The following TNFRSF11A variants were observed in gnomAD, a reference collection of about 807,000 sequenced individuals.
The protein encoded by TNFRSF11A is TNF receptor superfamily member 11a.
TNFRSF11A carries 32 observed loss-of-function variants against 55.7 expected under a neutral mutation model. The ratio of observed to expected loss-of-function variants is 0.57; its 90% CI spans 0.43 to 0.77. The LOEUF (loss-of-function observed/expected upper bound fraction) is 0.77, where lower values mean the gene tolerates loss of function less well. TNFRSF11A is among the 30% of genes least tolerant of loss of function. The probability of loss-of-function intolerance (pLI) is 0.00; values close to 1 mark genes in which losing one functional copy is unlikely to be tolerated. For missense variants in TNFRSF11A, 753 were observed against 809.8 expected, an observed-to-expected ratio of 0.93 and a Z score of 0.85; for synonymous variants, 311 against 331.0, an observed-to-expected ratio of 0.94 and a Z score of 0.65.
Position 62,383,933 on chromosome 18 carries a change from G to T in TNFRSF11A, c.1568-818G>T, listed in dbSNP as rs1209360792. 5.3e-5 allele frequency among the ~76,000 whole-genome samples: 8 copies of T among 152,082 alleles called. No individual in the cohort carries two copies. On this transcript the variant is annotated intron_variant, in intron 9 of 9. Coordinates refer to ENST00000586569, the MANE Select transcript of TNFRSF11A (RefSeq NM_003839.4). The surrounding 1 kb of genome is among the most constrained non-coding windows in gnomAD (Gnocchi z 4.2). ...TGGCCCCATGATCCTCCAGGGCTGA[G>T]TTGTTAGGGACCATGAGGAACCAAG... is the stretch of plus-strand genomic sequence containing the variant.
intron 4 of TNFRSF11A, among the ~76,000 whole-genome samples, chr18:62,355,352 A>G (rs1290840754): frequency 6.6e-6 from 1 of 152,040 alleles, no homozygotes; most frequent in Non-Finnish European, 1.5e-5. Context: ...ATCTCGGCTC[A>G]CCGCAACCTC....
At chr18:62,356,104 AC>A (rs1909235632) in intron 4 of TNFRSF11A, among the ~76,000 whole-genome samples, 2 of 152,230 alleles carry the variant, frequency 1.3e-5, no homozygotes, top group Non-Finnish European at 2.9e-5. Flanking sequence ...TGCTTTCCTG[AC>A]TTCTAGGAAG....
chr18:62,339,348 A>G (rs938567062), intron 1 of TNFRSF11A, among the ~76,000 whole-genome samples: 4 of 151,848 alleles, frequency 2.6e-5, no homozygotes, highest in African/African-American at 7.3e-5. Context: ...CACCCTCCCC[A>G]GCTTGTGCAC....
chr18:62,359,554 T>C (rs1909516691), intron 5 of TNFRSF11A, among the ~76,000 whole-genome samples: 1 of 152,040 alleles, frequency 6.6e-6, no homozygotes, highest in Admixed American at 6.6e-5. Context: ...GATTTTTAAA[T>C]TTTTTGTAGA....
intron 3 of TNFRSF11A, among the ~76,000 whole-genome samples, chr18:62,350,433 C>T (rs1333009464): frequency 6.6e-6 from 1 of 152,146 alleles, no homozygotes; most frequent in Admixed American, 6.5e-5. Context: ...GCTGGGACTA[C>T]AGGCACCCCC....
Position 62,354,500 on chromosome 18 carries a change from C to T in TNFRSF11A, c.393C>T (p.Thr131=), listed in dbSNP as rs1438379865. ...SQDCECCRRN[T]ECAPGLGAQH... is the part of the protein sequence containing the mutation. ...ACTGCGAGTGCTGCCGCCGCAACAC[C>T]GAGTGCGCGCCGGGCCTGGGCGCCC... is the stretch of plus-strand genomic sequence containing the variant. The change falls in exon 4 of 10, where the codon ACC becomes ACT. Residue 131 remains threonine, a synonymous_variant. Coordinates refer to ENST00000586569, the MANE Select transcript of TNFRSF11A (RefSeq NM_003839.4). 1.6e-5 allele frequency: 26 copies of T among 1,602,322 alleles called. No homozygotes were observed. The highest frequency in any genetic ancestry group is 2.2e-5 in the South Asian group (2 of 91,020).
At chr18:62,329,646 C>T (rs1279700723) in intron 1 of TNFRSF11A, among the ~76,000 whole-genome samples, 1 of 152,214 alleles carries the variant, frequency 6.6e-6, no homozygotes, top group Admixed American at 6.5e-5. Flanking sequence ...GCCTTGATCC[C>T]TCTGAAGTTC....
chr18:62,326,140 A>G (rs1248188590), intron 1 of TNFRSF11A, among the ~76,000 whole-genome samples: 1 of 152,254 alleles, frequency 6.6e-6, no homozygotes, highest in Non-Finnish European at 1.5e-5. Context: ...CACCCAGCAC[A>G]ACAAACGCTT....
chr18:62,366,735 C>T lies in TNFRSF11A; in HGVS notation c.758C>T (p.Ala253Val), dbSNP rs1487127372. 6.2e-7 allele frequency: 1 copy of T among 1,614,174 alleles called. No homozygotes were observed. The highest frequency in any genetic ancestry group is 1.7e-5 in the Admixed American group (1 of 60,028). Residue 253 changes from alanine to valine, a missense_variant, in exon 8 of 10, where the codon GCT (alanine) becomes GTT (valine). This residue lies in a region of TNFRSF11A where 567 missense variants were observed against 596.7 expected (regional missense o/e 0.95). Transcript: ENST00000586569. The stretch of plus-strand genomic sequence containing the variant: ...AATTTGTGGCACTGGATCAATGAGG[C>T]TTGTGGCCGCCTAAGTGGAGATAAG... Reference protein sequence around the residue: ...TANLWHWINEACGRLSGDKES... With the variant: ...TANLWHWINEVCGRLSGDKES...
intron 9 of TNFRSF11A, among the ~76,000 whole-genome samples, chr18:62,381,438 A>G (rs1047052922): frequency 1.3e-5 from 2 of 152,238 alleles, no homozygotes; most frequent in African/African-American, 2.4e-5. Context: ...GAAATAATAT[A>G]TACCATGACA....
rs1911755481 is a variant in TNFRSF11A at position 62,386,629 on chromosome 18, A to C, written c.*1595A>C. On this transcript the variant is annotated 3_prime_UTR_variant, in exon 10 of 10. Coordinates refer to ENST00000586569, the MANE Select transcript of TNFRSF11A (RefSeq NM_003839.4). ...ATTTTGCACATCTGGGAGGTTATAA[A>C]AGAAAGCACTAATAGTAGTCACTGC... 6.6e-6 allele frequency: 1 copy of C among 152,248 alleles called. No homozygotes were observed. The highest frequency in any genetic ancestry group is 1.5e-5 in the Non-Finnish European group (1 of 68,046). The allele number at this position is 152,248 out of a possible 1,614,324, so 9.4% of individuals were successfully genotyped here. A position where few individuals can be genotyped will look rare whatever the true frequency, so the allele number is the denominator to read the frequency against.
chr18:62,336,570 A>G (rs1027209606), intron 1 of TNFRSF11A: 11 of 152,242 alleles, frequency 7.2e-5, no homozygotes, highest in African/African-American at 2.7e-4. Context: ...TTCTTATCTG[A>G]AATGAATACA....
At chr18:62,371,360 A>AAG (rs375010915) in intron 9 of TNFRSF11A, among the ~76,000 whole-genome samples, 5 of 151,842 alleles carry the variant, frequency 3.3e-5, no homozygotes, top group African/African-American at 7.3e-5. Context: ...GCCAGATTTA[A>AAG]AGAGAGAGAG....
intron 9 of TNFRSF11A, among the ~76,000 whole-genome samples, chr18:62,375,673 T>C (rs1910842705): frequency 6.6e-6 from 1 of 152,152 alleles, no homozygotes; most frequent in African/African-American, 2.4e-5. Context: ...CCCAGGATCA[T>C]ACAGCTAGTA....
intron 9 of TNFRSF11A, among the ~76,000 whole-genome samples, chr18:62,375,929 G>A (rs1910862582): frequency 1.3e-5 from 2 of 152,204 alleles, no homozygotes; most frequent in Admixed American, 6.5e-5. Flanking sequence ...AGCCCAGAAG[G>A]TCAGGGCTGC....
rs1555774041 is a variant in TNFRSF11A, at chr18:62,362,510, A to AAAAGAACC, written c.730+718_730+725dup. ...CATCTCAAAAAAAAAAAAAAAAAAAAAAAGAACCTTCGATTATGAAAATAA... is the reference window on the plus strand; with the variant it reads ...CATCTCAAAAAAAAAAAAAAAAAAAAAAAGAACCAAAGAACCTTCGATTATGAAAATAA... On this transcript the variant is annotated intron_variant, in intron 7 of 9. Transcript: ENST00000586569. 5.3e-5 allele frequency among the ~76,000 whole-genome samples: 8 copies of AAAAGAACC among 151,286 alleles called. No homozygotes were observed. The East Asian group carries it at 1.4e-3, about 26-fold the overall frequency.
At chr18:62,351,873 T>G (rs1462961841) in intron 3 of TNFRSF11A, among the ~76,000 whole-genome samples, 3 of 152,206 alleles carry the variant, frequency 2.0e-5, no homozygotes, top group Non-Finnish European at 4.4e-5. Context: ...TTTGGCTCAC[T>G]GCAACCTTGG....
chr18:62,374,058 G>A (rs918767737), intron 9 of TNFRSF11A: 3 of 152,122 alleles, frequency 2.0e-5, no homozygotes, highest in Admixed American at 1.3e-4. Context: ...ATCTCGTAAG[G>A]GCAGATACTG....
At chr18:62,375,700 T>G (rs1017138097) in intron 9 of TNFRSF11A, among the ~76,000 whole-genome samples, 1 of 152,014 alleles carries the variant, frequency 6.6e-6, no homozygotes, top group Non-Finnish European at 1.5e-5. Context: ...AAAGCCATGG[T>G]TCAAGTATCT....
Sources: allele counts gnomAD v4.1 joint callset (sites outside exome capture counted in the v4.1 genomes callset), GRCh38; gene constraint gnomAD v4.1.1; regional missense constraint gnomAD v4.1.1; non-coding constraint Gnocchi (gnomAD v3.1); transcripts MANE v1.5; gene names NCBI Gene and HGNC (gene_info 2026-07-23, HGNC 2026-07-21).